Variants in CHD7 observed in about 807,000 individuals in gnomAD.
CHD7 encodes the protein ATP-dependent chromatin remodeler CHD7.
In CHD7, 24 loss-of-function variants were observed where a neutral mutation model predicts 307.3. That is an observed-to-expected ratio of 0.08 (90% confidence interval 0.06 to 0.11). The LOEUF (loss-of-function observed/expected upper bound fraction) is 0.11. CHD7 is among the 10% of genes least tolerant of loss of function. The pLI is 1.00. For synonymous variants in CHD7, 1,363 were observed against 1,349.9 expected, an observed-to-expected ratio of 1.01 and a Z score of -0.21; for missense variants, 3,106 against 3,727.1, an observed-to-expected ratio of 0.83 and a Z score of 4.34.
intron 34 of CHD7, among the ~76,000 whole-genome samples, chr8:60,858,576 C>T (rs1376586897): frequency 6.6e-6 from 1 of 152,080 alleles, no homozygotes; most frequent in Non-Finnish European, 1.5e-5. Flanking sequence ...TGTTTGTTAT[C>T]ATGTTCAATA....
At chr8:60,759,716 A>G (rs1417573967) in intron 2 of CHD7, among the ~76,000 whole-genome samples, 1 of 152,150 alleles carries the variant, frequency 6.6e-6, no homozygotes, top group East Asian at 1.9e-4. Flanking sequence ...CTTCTTACTC[A>G]TGTCTCTAGT....
At chr8:60,777,376 C>T (rs1404848247) in intron 2 of CHD7, among the ~76,000 whole-genome samples, 1 of 152,180 alleles carries the variant, frequency 6.6e-6, no homozygotes, top group Admixed American at 6.5e-5. Context: ...AAATTGCTAA[C>T]AGGCTGAGGC....
At chr8:60,816,152 TC>T (rs1286265264) in intron 7 of CHD7, among the ~76,000 whole-genome samples, 1 of 149,412 alleles carries the variant, frequency 6.7e-6, no homozygotes, top group Non-Finnish European at 1.5e-5. Context: ...TCTCTCTCTC[TC>T]TGTAACAGGT....
At chr8:60,718,162 A>C (rs1807708757) in intron 1 of CHD7, among the ~76,000 whole-genome samples, 1 of 149,368 alleles carries the variant, frequency 6.7e-6, no homozygotes, top group Admixed American at 6.6e-5. Context: ...GCTAATGTGT[A>C]TGTCTGTCTT....
chr8:60,845,434 G>A, intron 23 of CHD7, 25 bp downstream of exon 23: 1 of 1,609,720 alleles, frequency 6.2e-7, no homozygotes. Context: ...GGTGGACCTG[G>A]AGAGCTTAAT....
chr8:60,737,791 G>A (rs914670724), intron 1 of CHD7, among the ~76,000 whole-genome samples: 1 of 152,162 alleles, frequency 6.6e-6, no homozygotes, highest in Non-Finnish European at 1.5e-5. Context: ...GGAGTATTTT[G>A]TAAAATGGCA....
At chr8:60,688,738 T>C (rs1446406899) in intron 1 of CHD7, among the ~76,000 whole-genome samples, 4 of 152,228 alleles carry the variant, frequency 2.6e-5, no homozygotes, top group Non-Finnish European at 5.9e-5. Context: ...GTCCCAAATC[T>C]GCAATTCTCC....
intron 1 of CHD7, among the ~76,000 whole-genome samples, chr8:60,718,223 T>A (rs980331744): frequency 6.6e-6 from 1 of 152,198 alleles, no homozygotes; most frequent in Non-Finnish European, 1.5e-5. Context: ...ACACCTGTAA[T>A]CCCAGCACTT....
At chr8:60,803,686 G>A (rs1182792914) in intron 6 of CHD7, among the ~76,000 whole-genome samples, 7 of 152,026 alleles carry the variant, frequency 4.6e-5, no homozygotes, top group Non-Finnish European at 1.5e-5. Flanking sequence ...TTTCTTAAAG[G>A]GCAATAAAAA....
intron 4 of CHD7, among the ~76,000 whole-genome samples, chr8:60,799,985 A>C (rs1812216804): frequency 6.6e-6 from 1 of 152,046 alleles, no homozygotes; most frequent in Non-Finnish European, 1.5e-5. Context: ...CTTAAGATTA[A>C]TTTAAAAAAA....
intron 17 of CHD7, 132 bp from the exon 18 acceptor site, chr8:60,837,535 GA>G (rs747948123): frequency 2.8e-6 from 2 of 713,232 alleles, no homozygotes; most frequent in Non-Finnish European, 4.5e-6. Context: ...CCACCTTCAT[GA>G]CCTAATTACT....
chr8:60,722,582 G>T (rs909138323), intron 1 of CHD7, among the ~76,000 whole-genome samples: 1 of 152,114 alleles, frequency 6.6e-6, no homozygotes, highest in Non-Finnish European at 1.5e-5. Context: ...AATCTAAGAA[G>T]TATAAAAATA....
intron 2 of CHD7, among the ~76,000 whole-genome samples, chr8:60,776,434 A>G (rs1481547560): frequency 6.6e-6 from 1 of 152,200 alleles, no homozygotes; most frequent in African/African-American, 2.4e-5. Flanking sequence ...AGATTTTAAA[A>G]GCTTGCTTGT....
At chr8:60,747,663 G>T (rs192122193) in intron 2 of CHD7, among the ~76,000 whole-genome samples, 21 of 152,336 alleles carry the variant, frequency 1.4e-4, no homozygotes, top group Non-Finnish European at 2.4e-4. Context: ...TCAGGATCAT[G>T]TAGAAATAGT....
rs113938624 is a variant in CHD7, at chr8:60,865,578, C to T, written c.8639C>T (p.Pro2880Leu). The T allele has an allele frequency of 4.7e-5, 76 of 1,613,934 alleles. No homozygotes were observed. Among genetic ancestry groups the T allele is most frequent in the Non-Finnish European group, 5.8e-5 (68 of 1,179,910 alleles). ...GGATCTGTTGGTGCTGCTACTGCCC[C>T]GGCTGGATTGCCCTCAAACCCGCTA... ...ANGSVGAATA[P>L]AGLPSNPLAF... is the part of the protein sequence containing the mutation. The change falls in exon 38 of 38, where the codon CCG becomes CTG. Residue 2880 changes from proline (P) to leucine (L), a missense_variant. By Grantham distance (98) the Pro-to-Leu change is moderately conservative (BLOSUM62 -3). Coordinates refer to ENST00000423902, the MANE Select transcript of CHD7 (RefSeq NM_017780.4). The surrounding 1 kb of genome is among the most constrained non-coding windows in gnomAD (Gnocchi z 4.3).
intron 1 of CHD7, among the ~76,000 whole-genome samples, chr8:60,691,912 A>G (rs1396447261): frequency 6.6e-6 from 1 of 152,136 alleles, no homozygotes; most frequent in African/African-American, 2.4e-5. Context: ...TTAGAATTAG[A>G]CAGTCGCTTA....
chr8:60,689,588 C>G (rs756943592), intron 1 of CHD7, among the ~76,000 whole-genome samples: 6 of 152,200 alleles, frequency 3.9e-5, no homozygotes, highest in Non-Finnish European at 8.8e-5. Flanking sequence ...TCAAAATAAC[C>G]TAGGTCTTAG....
chr8:60,714,525 C>G (rs1586202451), intron 1 of CHD7, among the ~76,000 whole-genome samples: 1 of 151,962 alleles, frequency 6.6e-6, no homozygotes, highest in Non-Finnish European at 1.5e-5. Context: ...GCTGTAGGGT[C>G]ATCTCCAGCG....
chr8:60,692,558 A>C (rs1806251504), intron 1 of CHD7, among the ~76,000 whole-genome samples: 2 of 152,242 alleles, frequency 1.3e-5, no homozygotes, highest in African/African-American at 4.8e-5. Context: ...TGAGTGGGTT[A>C]GTGCTTTCTT....
Sources: allele counts gnomAD v4.1 joint callset (sites outside exome capture counted in the v4.1 genomes callset), GRCh38; gene constraint gnomAD v4.1.1; non-coding constraint Gnocchi (gnomAD v3.1); transcripts MANE v1.5; gene names NCBI Gene and HGNC (gene_info 2026-07-23, HGNC 2026-07-21).